Variants in CNTN5 observed in about 807,000 individuals in gnomAD.
The protein encoded by CNTN5 is contactin 5, also known as contactin-5.
CNTN5 carries 77 observed loss-of-function variants against 129.1 expected under a neutral mutation model. That is an observed-to-expected ratio of 0.60 (90% confidence interval 0.50 to 0.72). The LOEUF is 0.72. Among genes scored for constraint, CNTN5 ranks in the 30% least tolerant of loss-of-function variants. The probability of loss-of-function intolerance (pLI) is 0.00; values close to 1 mark genes in which losing one functional copy is unlikely to be tolerated. For synonymous variants in CNTN5, 509 were observed against 465.6 expected (o/e 1.09, Z -1.20); for missense variants, 1,478 against 1,328.8 (o/e 1.11, Z -1.75).
intron 2 of CNTN5, among the ~76,000 whole-genome samples, chr11:99,520,779 T>G (rs1451696768): frequency 6.6e-6 from 1 of 152,086 alleles, no homozygotes; most frequent in Non-Finnish European, 1.5e-5. Flanking sequence ...CCAAAAATTT[T>G]TTACCAAAAT....
At chr11:99,952,999 C>G (rs1229366101) in intron 7 of CNTN5, among the ~76,000 whole-genome samples, 1 of 152,090 alleles carries the variant, frequency 6.6e-6, no homozygotes, top group Admixed American at 6.6e-5. Context: ...ATTCTTTGAC[C>G]CAAAGCCTCT....
chr11:99,701,885 G>A (rs191868425), intron 3 of CNTN5, among the ~76,000 whole-genome samples: 1 of 150,628 alleles, frequency 6.6e-6, no homozygotes, highest in Admixed American at 6.6e-5. Flanking sequence ...TATTCATATT[G>A]AGCTATTTTA....
intron 8 of CNTN5, among the ~76,000 whole-genome samples, chr11:99,993,252 AGTG>A (rs1939236356): frequency 6.6e-6 from 1 of 152,212 alleles, no homozygotes; most frequent in Non-Finnish European, 1.5e-5. Flanking sequence ...TTCTCAACAC[AGTG>A]ATCTCAAGAA....
intron 6 of CNTN5, among the ~76,000 whole-genome samples, chr11:99,912,809 C>G (rs998451312): frequency 2.0e-5 from 3 of 151,980 alleles, no homozygotes; most frequent in Admixed American, 2.0e-4. Context: ...CTTTTGATCA[C>G]AAAATTTCTC....
At chr11:99,038,904 T>C (rs1235289965) in intron 1 of CNTN5, among the ~76,000 whole-genome samples, 1 of 152,108 alleles carries the variant, frequency 6.6e-6, no homozygotes, top group African/African-American at 2.4e-5. Flanking sequence ...GTAGCTCTGA[T>C]AAGTAAAATT....
intron 15 of CNTN5, among the ~76,000 whole-genome samples, chr11:100,200,127 G>T (rs1948743515): frequency 6.6e-6 from 1 of 151,896 alleles, no homozygotes; most frequent in South Asian, 2.1e-4. Context: ...CTGCCTTGAT[G>T]ACACCTAAGA....
intron 3 of CNTN5, among the ~76,000 whole-genome samples, chr11:99,659,396 G>T (rs73555658): frequency 0.023 from 3,528 of 152,202 alleles, 148 homozygotes; most frequent in African/African-American, 0.08. Context: ...TTATGTTTAA[G>T]CTAGTTTGTT....
chr11:99,822,226 C>G (rs186617906), intron 4 of CNTN5, among the ~76,000 whole-genome samples: 45 of 152,248 alleles, frequency 3.0e-4, no homozygotes, highest in African/African-American at 1.1e-3. Context: ...ACTCAGCTTA[C>G]AGAGCAATTT....
chr11:99,483,967 CACGTGAAATGCTTTAGGACAT>C (rs1331133803), intron 2 of CNTN5, among the ~76,000 whole-genome samples: 1 of 151,886 alleles, frequency 6.6e-6, no homozygotes, highest in Admixed American at 6.6e-5. Flanking sequence ...GAAGAAAACA[CACGTGAAATGCTTTAGGACAT>C]TAGTCTGAAA....
At chr11:99,268,028 AT>A (rs1269741280) in intron 1 of CNTN5, among the ~76,000 whole-genome samples, 1 of 149,888 alleles carries the variant, frequency 6.7e-6, no homozygotes, top group Non-Finnish European at 1.5e-5. Context: ...TGACAGAGGT[AT>A]TTCTTATTTA....
chr11:99,662,381 T>C (rs1012177629), intron 3 of CNTN5, among the ~76,000 whole-genome samples: 2 of 152,158 alleles, frequency 1.3e-5, no homozygotes, highest in Non-Finnish European at 2.9e-5. Flanking sequence ...GTATCCAACA[T>C]AAGATTTAAG....
At chr11:99,816,230 C>A (rs556581248) in intron 3 of CNTN5, among the ~76,000 whole-genome samples, 38 of 151,888 alleles carry the variant, frequency 2.5e-4, no homozygotes, top group African/African-American at 8.9e-4. Context: ...TGCTTTTCTT[C>A]AAAAAAAATG....
intron 13 of CNTN5, among the ~76,000 whole-genome samples, chr11:100,120,159 T>C (rs911229039): frequency 2.6e-5 from 4 of 151,958 alleles, no homozygotes; most frequent in African/African-American, 4.8e-5. Context: ...TTCACTATTA[T>C]AGGATATTTT....
intron 2 of CNTN5, among the ~76,000 whole-genome samples, chr11:99,334,129 C>G (rs1464493614): frequency 1.0e-5 from 1 of 99,768 alleles, no homozygotes; most frequent in African/African-American, 3.9e-5. Flanking sequence ...GTCCTTTGCT[C>G]TTAAAACATC....
At chr11:99,533,100 G>C (rs1382664735) in intron 2 of CNTN5, among the ~76,000 whole-genome samples, 1 of 152,186 alleles carries the variant, frequency 6.6e-6, no homozygotes, top group South Asian at 2.1e-4. Flanking sequence ...AAATGTGCCT[G>C]TAATCCCAGC....
chr11:99,460,024 A>G (rs1294580104), intron 2 of CNTN5, among the ~76,000 whole-genome samples: 1 of 151,938 alleles, frequency 6.6e-6, no homozygotes, highest in Non-Finnish European at 1.5e-5. Context: ...TTTGTTCTGT[A>G]TGAAGTGATA....
At chr11:99,461,792 T>G (rs939272508) in intron 2 of CNTN5, among the ~76,000 whole-genome samples, 3 of 152,310 alleles carry the variant, frequency 2.0e-5, no homozygotes, top group Admixed American at 2.0e-4. Flanking sequence ...CTTTCAAGAA[T>G]GTGCTACCCT....
intron 10 of CNTN5, among the ~76,000 whole-genome samples, chr11:100,067,228 T>G (rs189515746): frequency 2.3e-4 from 35 of 152,202 alleles, no homozygotes; most frequent in African/African-American, 7.9e-4. Flanking sequence ...ATTATGACAT[T>G]AAATTTATTT....
intron 6 of CNTN5, among the ~76,000 whole-genome samples, chr11:99,914,470 ATAT>A: frequency 6.6e-6 from 1 of 152,284 alleles, no homozygotes; most frequent in African/African-American, 2.4e-5. Flanking sequence ...TATCTCATAC[ATAT>A]GAAATTCAAA....
Sources: allele counts gnomAD v4.1 joint callset (sites outside exome capture counted in the v4.1 genomes callset), GRCh38; gene constraint gnomAD v4.1.1; transcripts MANE v1.5; gene names NCBI Gene and HGNC (gene_info 2026-07-23, HGNC 2026-07-21).